The following DNAJC12 variants were observed in gnomAD, a reference collection of about 807,000 sequenced individuals.
The protein encoded by DNAJC12 is DnaJ heat shock protein family (Hsp40) member C12.
In DNAJC12, 25 loss-of-function variants were observed where a neutral mutation model predicts 28.5. The observed-to-expected ratio is 0.88, with a 90% CI of 0.64 to 1.22. The LOEUF (loss-of-function observed/expected upper bound fraction) is 1.22, where lower values mean the gene tolerates loss of function less well. Ranked by LOEUF, DNAJC12 falls within the 50% of genes most tolerant of loss-of-function variation. The pLI is 0.00. For missense variants in DNAJC12, 222 were observed against 231.7 expected, an observed-to-expected ratio of 0.96 and a Z score of 0.27; for synonymous variants, 77 against 80.6, an observed-to-expected ratio of 0.95 and a Z score of 0.24.
intron 1 of DNAJC12, chr10:67,825,690 T>A (rs548476531): frequency 1.3e-5 from 2 of 152,310 alleles, no homozygotes; most frequent in African/African-American, 4.8e-5. Context: ...TCAACTCTCA[T>A]AAGGAATGTC....
chr10:67,832,035 G>A (rs1258315920), intron 1 of DNAJC12, among the ~76,000 whole-genome samples: 1 of 152,200 alleles, frequency 6.6e-6, no homozygotes, highest in Non-Finnish European at 1.5e-5. Context: ...AGAGGCCGAG[G>A]TGGGCAGATC....
At chr10:67,820,564 T>C (rs2131805824) in intron 2 of DNAJC12, among the ~76,000 whole-genome samples, 1 of 152,092 alleles carries the variant, frequency 6.6e-6, no homozygotes, top group East Asian at 1.9e-4. Context: ...TTTATCAAGC[T>C]CACACTTATT....
chr10:67,803,286 C>T (rs887250514), intron 4 of DNAJC12, among the ~76,000 whole-genome samples: 1 of 152,202 alleles, frequency 6.6e-6, no homozygotes, highest in Non-Finnish European at 1.5e-5. Flanking sequence ...GCTGAGCCCA[C>T]ATTCTTAACC....
At chr10:67,832,415 C>T (rs1400547755) in intron 1 of DNAJC12, among the ~76,000 whole-genome samples, 3 of 152,000 alleles carry the variant, frequency 2.0e-5, no homozygotes, top group East Asian at 1.9e-4. Flanking sequence ...AATGAGAGAT[C>T]CTCCTACATT....
chr10:67,799,845 T>C (rs1841722127), intron 4 of DNAJC12, among the ~76,000 whole-genome samples: 2 of 147,650 alleles, frequency 1.4e-5, no homozygotes, highest in South Asian at 4.2e-4. Context: ...ATCACGCCAC[T>C]GCACTCCAGC....
chr10:67,812,414 G>A (rs78380762), intron 2 of DNAJC12, among the ~76,000 whole-genome samples: 4,379 of 152,242 alleles, frequency 0.029, 225 homozygotes, highest in African/African-American at 0.1. Flanking sequence ...TAGATGCTGG[G>A]ACAAATGGTA....
chr10:67,819,700 AAGGAAGGAAGGAAGGAAGCAAGG>A lies in DNAJC12; in HGVS notation c.157+3591_157+3613del, dbSNP rs1841957141. 1.5e-3 allele frequency among the ~76,000 whole-genome samples: 31 copies of A among 21,050 alleles called. 4 individuals are homozygous for A. The highest frequency in any genetic ancestry group is 2.5e-3 in the African/African-American group (18 of 7,290). The allele number at this position is 21,050 out of a possible 152,430, so 13.8% of individuals were successfully genotyped here. A position where few individuals can be genotyped will look rare whatever the true frequency, so the allele number is the denominator to read the frequency against. On this transcript the variant is annotated intron_variant, in intron 2 of 4. Transcript: ENST00000225171. ...AAAGAAAGAAAGAAAGAAAGAAAGG[AAGGAAGGAAGGAAGGAAGCAAGG>A]AAGGAAGGAAGGAAGGAAGGAAGGA...
At chr10:67,804,760 G>A (rs1841781821) in intron 4 of DNAJC12, among the ~76,000 whole-genome samples, 2 of 152,170 alleles carry the variant, frequency 1.3e-5, no homozygotes, top group Admixed American at 1.3e-4. Context: ...GGCCGGGCAT[G>A]GTGGCTTACA....
rs1443792358 is a variant in DNAJC12, at chr10:67,805,671, CTCTT to C, written c.410_413del (p.Lys137ArgfsTer18). ...TTTTCTCTGCGGTTGAAGCCAGCTCCTCTTTCTTTCTTTCTCTTTGCTCATTACA... is the reference window on the plus strand; with the variant it reads ...TTTTCTCTGCGGTTGAAGCCAGCTCCTCTTTCTTTCTCTTTGCTCATTACA... On this transcript the variant is annotated frameshift_variant, in exon 4 of 5. Transcript: ENST00000225171. LOFTEE classifies it high-confidence loss of function. 2.2e-5 allele frequency: 35 copies of C among 1,613,438 alleles called. No individual in the cohort carries two copies. The highest frequency in any genetic ancestry group is 2.5e-5 in the Non-Finnish European group (30 of 1,179,846).
chr10:67,811,796 T>C, intron 2 of DNAJC12, 133 bp from the exon 3 acceptor site: 2 of 1,449,180 alleles, frequency 1.4e-6, no homozygotes, highest in Non-Finnish European at 9.1e-7. Context: ...ATTTACCTCA[T>C]TAAGCTTTTG....
intron 3 of DNAJC12, among the ~76,000 whole-genome samples, chr10:67,808,934 T>C (rs1841831393): frequency 6.6e-6 from 1 of 152,164 alleles, no homozygotes; most frequent in Non-Finnish European, 1.5e-5. Context: ...GTAGGAAGCT[T>C]TCTGGATAGG....
intron 4 of DNAJC12, among the ~76,000 whole-genome samples, chr10:67,802,102 G>T (rs751601488): frequency 1.3e-5 from 2 of 151,720 alleles, no homozygotes; most frequent in South Asian, 2.1e-4. Flanking sequence ...GGACTCAAGC[G>T]ATCCTCCCAT....
intron 4 of DNAJC12, among the ~76,000 whole-genome samples, chr10:67,801,627 T>G (rs1241260898): frequency 6.6e-6 from 1 of 151,550 alleles, no homozygotes; most frequent in African/African-American, 2.4e-5. Flanking sequence ...CCATCTCTAC[T>G]AAAAATATGA....
intron 2 of DNAJC12, among the ~76,000 whole-genome samples, chr10:67,813,485 C>T (rs923907598): frequency 1.3e-5 from 2 of 152,068 alleles, no homozygotes; most frequent in African/African-American, 2.4e-5. Context: ...CCCAGTGGCT[C>T]ATGCCTGTAA....
At chr10:67,809,788 G>A (rs191793927) in intron 3 of DNAJC12, among the ~76,000 whole-genome samples, 6 of 152,224 alleles carry the variant, frequency 3.9e-5, no homozygotes, top group African/African-American at 1.2e-4. Context: ...GCTAAGCTAC[G>A]GATACACAAA....
At position 67,828,070 on chromosome 10, in the gene DNAJC12, G is replaced by C. The variant is rs1432274308; in HGVS notation, c.79-4678C>G. 2.0e-5 allele frequency among the ~76,000 whole-genome samples: 3 copies of C among 152,136 alleles called. No homozygotes were observed. The East Asian group carries it at 5.8e-4, about 29-fold the overall frequency. ...TGCCTTCCTGACCCAAGTCCAGTAG[G>C]CTGCAAAACTGCCTACCCTGTTGTC... On this transcript the variant is annotated intron_variant, in intron 1 of 4. Transcript: ENST00000225171.
intron 1 of DNAJC12, among the ~76,000 whole-genome samples, chr10:67,835,420 G>A (rs752490106): frequency 2.3e-4 from 35 of 152,074 alleles, no homozygotes; most frequent in African/African-American, 1.4e-4. Flanking sequence ...AGCCAGGTGC[G>A]GTGGCTCACG....
intron 1 of DNAJC12, among the ~76,000 whole-genome samples, chr10:67,826,351 C>G (rs1329899047): frequency 6.6e-6 from 1 of 151,160 alleles, no homozygotes; most frequent in Non-Finnish European, 1.5e-5. Context: ...CCAGGCTGGT[C>G]TTGAACTCCT....
At chr10:67,800,801 C>T (rs923480216) in intron 4 of DNAJC12, among the ~76,000 whole-genome samples, 3 of 151,878 alleles carry the variant, frequency 2.0e-5, no homozygotes, top group Non-Finnish European at 4.4e-5. Context: ...AAAAATTAGC[C>T]GGGCATGATG....
Sources: gnomAD v4.1 joint callset for allele counts (sites outside exome capture counted in the v4.1 genomes callset) on GRCh38, gnomAD v4.1.1 for gene constraint, MANE v1.5 for transcripts, NCBI Gene and HGNC (gene_info 2026-07-23, HGNC 2026-07-21) for gene names.